The following ALPK2 variants were observed in gnomAD, a reference collection of about 807,000 sequenced individuals.
The protein encoded by ALPK2 is alpha kinase 2, also known as alpha-protein kinase 2.
A neutral mutation model predicts 163.1 loss-of-function variants in ALPK2; 127 were observed. The observed-to-expected ratio is 0.78, with a 90% CI of 0.67 to 0.90. ALPK2 has a LOEUF of 0.90. Ranked by LOEUF, ALPK2 falls within the 40% of genes least tolerant of loss-of-function variation. ALPK2 has a pLI of 0.00. For synonymous variants in ALPK2, 953 were observed against 959.1 expected (o/e 0.99, Z 0.12); for missense variants, 2,360 against 2,589.6 (o/e 0.91, Z 1.92).
intron 3 of ALPK2, among the ~76,000 whole-genome samples, chr18:58,605,934 G>A (rs2052095800): frequency 6.6e-6 from 1 of 152,156 alleles, no homozygotes. Flanking sequence ...AAAATGCTTG[G>A]CATATGTAGG....
chr18:58,612,575 C>T (rs540283631), intron 1 of ALPK2, among the ~76,000 whole-genome samples: 8 of 152,228 alleles, frequency 5.3e-5, no homozygotes, highest in Non-Finnish European at 8.8e-5. Flanking sequence ...CTCAAGATCA[C>T]ACAGCTCAAG....
chr18:58,564,549 ACAT>A (rs1319177229), intron 4 of ALPK2, among the ~76,000 whole-genome samples: 1 of 149,222 alleles, frequency 6.7e-6, no homozygotes, highest in Non-Finnish European at 1.5e-5. Context: ...CAAAATTCTT[ACAT>A]CATCAGGTTT....
At chr18:58,625,510 G>A (rs533899517) in intron 1 of ALPK2, among the ~76,000 whole-genome samples, 1 of 152,368 alleles carries the variant, frequency 6.6e-6, no homozygotes, top group African/African-American at 2.4e-5. Flanking sequence ...AGGAAGAAAT[G>A]CAAATTCTTG....
At chr18:58,576,650 G>A (rs1376559220) in intron 4 of ALPK2, among the ~76,000 whole-genome samples, 6 of 152,142 alleles carry the variant, frequency 3.9e-5, no homozygotes, top group Non-Finnish European at 4.4e-5. Flanking sequence ...CATTGTATAC[G>A]TGTGTAGAAA....
intron 4 of ALPK2, among the ~76,000 whole-genome samples, chr18:58,549,784 A>T (rs2144161721): frequency 6.6e-6 from 1 of 152,260 alleles, no homozygotes; most frequent in Middle Eastern, 3.4e-3. Flanking sequence ...ACTTTCTAGT[A>T]CTGCTGGCCC....
intron 2 of ALPK2, among the ~76,000 whole-genome samples, chr18:58,610,670 G>A (rs9967416): frequency 0.022 from 3,418 of 152,076 alleles, 51 homozygotes; most frequent in East Asian, 0.062. Context: ...GGCCAGGCGC[G>A]GTGGCTCACG....
chr18:58,626,037 A>G (rs997216408), intron 1 of ALPK2, among the ~76,000 whole-genome samples: 3 of 152,186 alleles, frequency 2.0e-5, no homozygotes, highest in African/African-American at 4.8e-5. Flanking sequence ...GTTGCTTTAC[A>G]TGTTTGCATT....
intron 2 of ALPK2, among the ~76,000 whole-genome samples, 165 bp downstream of exon 2, chr18:58,611,524 T>G (rs1014079870): frequency 1.3e-5 from 2 of 152,134 alleles, no homozygotes; most frequent in Non-Finnish European, 2.9e-5. Context: ...AAAGAAATCT[T>G]TTAGAAACAA....
chr18:58,621,361 G>T (rs1385094025), intron 1 of ALPK2, among the ~76,000 whole-genome samples: 1 of 150,604 alleles, frequency 6.6e-6, no homozygotes, highest in Non-Finnish European at 1.5e-5. Context: ...TGCAAGCTCC[G>T]CCTCCCAGGT....
At chr18:58,544,590 A>T (rs928598213) in intron 4 of ALPK2, 7 of 152,246 alleles carry the variant, frequency 4.6e-5, no homozygotes, top group Admixed American at 1.3e-4. Context: ...AGCCAAGTGG[A>T]TGAAACTTAA....
intron 4 of ALPK2, chr18:58,566,689 G>C (rs1446537771): frequency 6.6e-6 from 1 of 152,138 alleles, no homozygotes; most frequent in African/African-American, 2.4e-5. Flanking sequence ...CACCTGTTTT[G>C]GATTAGTTAC....
intron 4 of ALPK2, among the ~76,000 whole-genome samples, chr18:58,548,612 C>T (rs561985406): frequency 9.9e-5 from 15 of 152,226 alleles, no homozygotes; most frequent in East Asian, 3.9e-4. Context: ...TGAGTCACCG[C>T]GCCCAGCCAG....
chr18:58,555,333 G>A (rs2051784597), intron 4 of ALPK2, among the ~76,000 whole-genome samples: 2 of 152,134 alleles, frequency 1.3e-5, no homozygotes, highest in African/African-American at 2.4e-5. Context: ...AACTAGCTTA[G>A]GTGAGATAAC....
At position 58,620,925 on chromosome 18, in the gene ALPK2, G is replaced by A. The variant is rs2052195415; in HGVS notation, c.-21+7839C>T. On this transcript the variant is annotated intron_variant, in intron 1 of 12. Transcript: ENST00000361673. The stretch of plus-strand genomic sequence containing the variant: ...AATCCCAGCACTTTGGGAGGCCGAG[G>A]TGGGTGGATCGCTTGAGCCCAGGAG... Among the ~76,000 whole-genome samples, 3 of 152,300 alleles carry A rather than the reference G, an allele frequency of 2.0e-5. 1 individual carries two copies. The highest frequency in any genetic ancestry group is 4.1e-4 in the South Asian group (2 of 4,828).
chr18:58,513,373 G>A (rs73445123), intron 10 of ALPK2, among the ~76,000 whole-genome samples: 35,152 of 152,010 alleles, frequency 0.23, 4,609 homozygotes, highest in South Asian at 0.42. Context: ...CCCATGTACC[G>A]TCAGCATTCA....
rs1395396614 is a variant in ALPK2 at position 58,553,826 on chromosome 18, C to T, written c.1963-15602G>A. Among the ~76,000 whole-genome samples the T allele has an allele frequency of 6.2e-5, 9 of 144,140 alleles. No homozygotes were observed. In the South Asian group the frequency reaches 8.9e-4, roughly 14 times the overall value. The allele number at this position is 144,140 out of a possible 152,430, so 94.6% of individuals were successfully genotyped here. ...CTTTCCTTTATAAATTACCCAGTCTCGAGCAGTTGGGGTTTTTTTTTTGGT... is the reference window on the plus strand; with the variant it reads ...CTTTCCTTTATAAATTACCCAGTCTTGAGCAGTTGGGGTTTTTTTTTTGGT... On this transcript the variant is annotated intron_variant, in intron 4 of 12. Coordinates refer to ENST00000361673, the MANE Select transcript of ALPK2 (RefSeq NM_052947.4).
intron 3 of ALPK2, among the ~76,000 whole-genome samples, chr18:58,600,256 T>A (rs1489241797): frequency 6.6e-6 from 1 of 152,054 alleles, no homozygotes; most frequent in African/African-American, 2.4e-5. Context: ...AGGCTGGTCT[T>A]GAACTCCTGA....
rs1251625581 is a variant in ALPK2, at chr18:58,609,853, G to A, written c.109+1836C>T. Among the ~76,000 whole-genome samples the A allele has an allele frequency of 2.6e-5, 4 of 152,176 alleles. No individual in the cohort carries two copies. The East Asian group carries it at 7.7e-4, about 29-fold the overall frequency. On this transcript the variant is annotated intron_variant, in intron 2 of 12. Coordinates refer to ENST00000361673, the MANE Select transcript of ALPK2 (RefSeq NM_052947.4). ...TCAGGGCATGTCCAAACACACGAGGGCTCTGCTCTGAAGACTCAAGGTCAG... is the reference window on the plus strand; with the variant it reads ...TCAGGGCATGTCCAAACACACGAGGACTCTGCTCTGAAGACTCAAGGTCAG...
At chr18:58,600,854 C>T (rs530136538) in intron 3 of ALPK2, among the ~76,000 whole-genome samples, 2 of 152,324 alleles carry the variant, frequency 1.3e-5, no homozygotes, top group Non-Finnish European at 2.9e-5. Flanking sequence ...TCCCACTGGA[C>T]TGATCCCACT....
Sources: allele counts gnomAD v4.1 joint callset (sites outside exome capture counted in the v4.1 genomes callset), GRCh38; gene constraint gnomAD v4.1.1; transcripts MANE v1.5; gene names NCBI Gene and HGNC (gene_info 2026-07-23, HGNC 2026-07-21).